ZFAT: variants seen among roughly 807,000 people sequenced by gnomAD.
ZFAT encodes the protein zinc finger protein ZFAT.
A neutral mutation model predicts 117.7 loss-of-function variants in ZFAT; 64 were observed. That is an observed-to-expected ratio of 0.54 (90% CI 0.44 to 0.67). The LOEUF (loss-of-function observed/expected upper bound fraction) is 0.67. Among genes scored for constraint, ZFAT ranks in the 30% least tolerant of loss-of-function variants. The pLI is 0.00. For missense variants in ZFAT, 1,433 were observed against 1,584.5 expected (o/e 0.90, Z 1.62); for synonymous variants, 679 against 615.0 (o/e 1.10, Z -1.54).
At chr8:134,646,431 G>C (rs1479596602) in intron 2 of ZFAT, among the ~76,000 whole-genome samples, 1 of 151,786 alleles carries the variant, frequency 6.6e-6, no homozygotes, top group Non-Finnish European at 1.5e-5. Context: ...GTTCTAAAAA[G>C]AAAGTTTATT....
intron 5 of ZFAT, among the ~76,000 whole-genome samples, chr8:134,603,418 A>G (rs1265878768): frequency 3.3e-5 from 5 of 152,216 alleles, no homozygotes; most frequent in Non-Finnish European, 5.9e-5. Context: ...TAACAGGACT[A>G]GTCTTAATGG....
rs1341142956 is a variant in ZFAT at position 134,614,459 on chromosome 8, C to G, written c.449-3804G>C. ...CCTCTGTGATACTCTGTACCCTTCA[C>G]CTTCTTACCTCCTCCATTCTCCTTA... On this transcript the variant is annotated intron_variant, in intron 3 of 15. Transcript: ENST00000377838. 5.9e-5 allele frequency among the ~76,000 whole-genome samples: 9 copies of G among 152,208 alleles called. 1 individual carries two copies. Among genetic ancestry groups the G allele is most frequent in the Admixed American group, 5.2e-4 (8 of 15,282 alleles).
intron 1 of ZFAT, among the ~76,000 whole-genome samples, chr8:134,692,014 C>T (rs1833611285): frequency 6.6e-6 from 1 of 152,132 alleles, no homozygotes; most frequent in Non-Finnish European, 1.5e-5. Flanking sequence ...TGCACCACCA[C>T]ACCTGGCTAA....
At chr8:134,494,410 C>A (rs368408551) in intron 15 of ZFAT, among the ~76,000 whole-genome samples, 2 of 152,142 alleles carry the variant, frequency 1.3e-5, no homozygotes, top group African/African-American at 4.8e-5. Context: ...AGGATCGATC[C>A]GCTGCCCTTT....
At chr8:134,752,613 A>C in the ZFAT span, among the ~76,000 whole-genome samples, 2 of 152,220 alleles carry the variant, frequency 1.3e-5, no homozygotes, top group Non-Finnish European at 2.9e-5. Context: ...AATCCCACAG[A>C]CTGGGTGGCC....
chr8:134,531,212 A>G (rs1291189988), intron 12 of ZFAT, among the ~76,000 whole-genome samples: 1 of 152,370 alleles, frequency 6.6e-6, no homozygotes, highest in South Asian at 2.1e-4. Flanking sequence ...GTTTGGAAGC[A>G]TAGGGCAATG....
chr8:134,734,002 G>A, the ZFAT span, among the ~76,000 whole-genome samples: 1 of 152,224 alleles, frequency 6.6e-6, no homozygotes, highest in Non-Finnish European at 1.5e-5. Context: ...GAGATCCCTG[G>A]ATGAAACCCT....
At chr8:134,642,631 T>A (rs752501748) in intron 2 of ZFAT, among the ~76,000 whole-genome samples, 2 of 152,198 alleles carry the variant, frequency 1.3e-5, no homozygotes, top group Non-Finnish European at 2.9e-5. Context: ...TTCCTTGAGT[T>A]CTTCATTTTA....
At chr8:134,505,709 G>GC (rs1054751098) in intron 15 of ZFAT, among the ~76,000 whole-genome samples, 1 of 152,116 alleles carries the variant, frequency 6.6e-6, no homozygotes, top group Non-Finnish European at 1.5e-5. Context: ...AGTGCAGGTG[G>GC]CCTCTAGATG....
intron 3 of ZFAT, among the ~76,000 whole-genome samples, chr8:134,629,254 C>T (rs1212729939): frequency 6.6e-6 from 1 of 152,132 alleles, no homozygotes; most frequent in African/African-American, 2.4e-5. Context: ...CACTGCATAA[C>T]TTAAACTGCC....
chr8:134,664,845 G>A (rs1832128998), intron 1 of ZFAT, among the ~76,000 whole-genome samples: 1 of 152,170 alleles, frequency 6.6e-6, no homozygotes, highest in African/African-American at 2.4e-5. Flanking sequence ...TCCAATTACT[G>A]TGCACTCATC....
rs199619199 is a variant in ZFAT, at chr8:134,602,318, G to A, written c.1401C>T (p.Phe467=). 129 of 1,613,950 alleles carry A rather than the reference G, an allele frequency of 8.0e-5. No individual in the cohort carries two copies. The African/African-American group carries it at 1.0e-3, about 13-fold the overall frequency. The change falls in exon 6 of 16, where the codon TTC becomes TTT. Residue 467 remains phenylalanine (F), a synonymous_variant. Transcript: ENST00000377838. Reference sequence around the variant, plus strand: ...GGGTGCGCAGCCTGATGGAGCTGACGAACTTCTTGCGGCAGACGGCACAGA... The same window carrying A: ...GGGTGCGCAGCCTGATGGAGCTGACAAACTTCTTGCGGCAGACGGCACAGA... ...VYVCAVCRKK[F]VSSIRLRTHI... is the part of the protein sequence containing the mutation.
chr8:134,784,664 CTAAT>C, the ZFAT span: 1 of 151,948 alleles, frequency 6.6e-6, no homozygotes, highest in South Asian at 2.1e-4. Context: ...CCTTTTTAGT[CTAAT>C]TGTTTTATCA....
the ZFAT span, among the ~76,000 whole-genome samples, chr8:134,739,039 G>GT: frequency 6.6e-6 from 1 of 152,170 alleles, no homozygotes; most frequent in Non-Finnish European, 1.5e-5. Flanking sequence ...AGGTGACAGA[G>GT]TTTAAGATCA....
intron 15 of ZFAT, among the ~76,000 whole-genome samples, chr8:134,487,266 G>T (rs1392418285): frequency 1.3e-5 from 2 of 152,090 alleles, no homozygotes; most frequent in African/African-American, 4.8e-5. Context: ...CTCTTCTGTA[G>T]CCTGTGACAC....
At chr8:134,570,799 T>A (rs1586729954) in intron 10 of ZFAT, among the ~76,000 whole-genome samples, 2 of 152,268 alleles carry the variant, frequency 1.3e-5, no homozygotes, top group Middle Eastern at 3.4e-3. Flanking sequence ...TGGACTACAG[T>A]GGACAAGAGA....
intron 3 of ZFAT, among the ~76,000 whole-genome samples, chr8:134,628,080 G>A (rs1829639405): frequency 2.0e-5 from 3 of 152,188 alleles, no homozygotes; most frequent in African/African-American, 7.2e-5. Context: ...GGCCTGGAAA[G>A]GGGAAATAAA....
At chr8:134,654,503 T>A (rs919030454) in intron 2 of ZFAT, among the ~76,000 whole-genome samples, 9 of 152,134 alleles carry the variant, frequency 5.9e-5, no homozygotes, top group Non-Finnish European at 1.3e-4. Flanking sequence ...GACCTCCAGC[T>A]GTTCGGCTAT....
intron 3 of ZFAT, among the ~76,000 whole-genome samples, chr8:134,634,703 TACTTTATGTC>T (rs1192622457): frequency 1.3e-5 from 2 of 152,088 alleles, no homozygotes; most frequent in Non-Finnish European, 2.9e-5. Flanking sequence ...AAAAACAGAA[TACTTTATGTC>T]ACTGACAAAT....
Sources: allele counts gnomAD v4.1 joint callset (sites outside exome capture counted in the v4.1 genomes callset), GRCh38; gene constraint gnomAD v4.1.1; transcripts MANE v1.5; gene names NCBI Gene and HGNC (gene_info 2026-07-23, HGNC 2026-07-21).